NEBL: variants seen among roughly 807,000 people sequenced by gnomAD.
The protein encoded by NEBL is LIM and SH3 protein 2.
Under a neutral mutation model 140.2 loss-of-function variants are expected in NEBL, and 122 were observed. That is an observed-to-expected ratio of 0.87 (90% CI 0.75 to 1.01). NEBL has a LOEUF of 1.01. Ranked by LOEUF, NEBL falls within the 50% of genes least tolerant of loss-of-function variation. NEBL has a pLI of 0.00. For synonymous variants in NEBL, 436 were observed against 398.9 expected, an observed-to-expected ratio of 1.09 and a Z score of -1.11; for missense variants, 1,365 against 1,231.3, an observed-to-expected ratio of 1.11 and a Z score of -1.62.
chr10:20,825,959 G>A (rs1265710419), intron 18 of NEBL, among the ~76,000 whole-genome samples: 1 of 152,184 alleles, frequency 6.6e-6, no homozygotes, highest in Non-Finnish European at 1.5e-5. Context: ...ATGGGCAGAA[G>A]CGTGTCTGAT....
intron 19 of NEBL, among the ~76,000 whole-genome samples, chr10:20,822,547 C>A (rs540623343): frequency 1.3e-5 from 2 of 150,598 alleles, no homozygotes; most frequent in Non-Finnish European, 3.0e-5. Context: ...AGTAGTCTAA[C>A]TAGATATAGA....
At chr10:21,216,725 C>A (rs1283174583) in intron 3 of NEBL, among the ~76,000 whole-genome samples, 1 of 150,632 alleles carries the variant, frequency 6.6e-6, no homozygotes, top group Non-Finnish European at 1.5e-5. Flanking sequence ...GAGCCGAGAT[C>A]GCACCACTGC....
rs1404015214 is a variant in NEBL, at chr10:20,791,397, G to GT, written c.2762-4090dup. ...ATGAAAAGGGAGGAAGAAAAGTTTT[G>GT]TTTTTTTGTTTGTTTGTGTTTTTTG... On this transcript the variant is annotated intron_variant, in intron 26 of 27. Transcript: ENST00000377122. Among the ~76,000 whole-genome samples the GT allele has an allele frequency of 6.6e-5, 10 of 152,072 alleles. No individual in the cohort carries two copies. The South Asian group carries it at 1.7e-3, about 25-fold the overall frequency.
chr10:21,138,452 G>A (rs1839458858), intron 2 of NEBL, among the ~76,000 whole-genome samples: 1 of 152,030 alleles, frequency 6.6e-6, no homozygotes, highest in Non-Finnish European at 1.5e-5. Context: ...CAAGCTAGAA[G>A]AAATATATAA....
chr10:21,177,618 C>T (rs752995657), upstream of NEBL, among the ~76,000 whole-genome samples: 3 of 152,024 alleles, frequency 2.0e-5, no homozygotes, highest in Non-Finnish European at 4.4e-5. Context: ...CAAGCTCTGC[C>T]TCCCGGGTTC....
At chr10:21,182,149 T>C in intron 3 of NEBL, among the ~76,000 whole-genome samples, 1 of 151,316 alleles carries the variant, frequency 6.6e-6, no homozygotes, top group East Asian at 1.9e-4. Flanking sequence ...AGGATATGGC[T>C]GCTGGCTTTT....
chr10:21,243,257 T>C (rs1452033986), intron 3 of NEBL, among the ~76,000 whole-genome samples: 1 of 151,526 alleles, frequency 6.6e-6, no homozygotes, highest in African/African-American at 2.4e-5. Flanking sequence ...AAGCATGACC[T>C]AGCCCCTCTG....
intron 2 of NEBL, among the ~76,000 whole-genome samples, chr10:21,086,174 C>G (rs190126083): frequency 7.9e-5 from 12 of 152,242 alleles, no homozygotes; most frequent in Admixed American, 7.2e-4. Context: ...TTAAAGAGTT[C>G]GACTCCGTGT....
intron 4 of NEBL, among the ~76,000 whole-genome samples, chr10:20,923,216 C>T (rs1334690774): frequency 6.6e-6 from 1 of 151,894 alleles, no homozygotes; most frequent in East Asian, 1.9e-4. Context: ...CACAGCCATG[C>T]ACCACCACAC....
intron 2 of NEBL, among the ~76,000 whole-genome samples, chr10:21,165,843 C>T (rs1840739266): frequency 6.6e-6 from 1 of 152,120 alleles, no homozygotes; most frequent in African/African-American, 2.4e-5. Context: ...TTATGATTCA[C>T]AAACTTATTG....
At position 20,869,760 on chromosome 10, in the gene NEBL, T is replaced by G. The variant is rs1235079527; in HGVS notation, c.562A>C (p.Ile188Leu). The G allele has an allele frequency of 6.2e-6, 10 of 1,610,930 alleles. No individual in the cohort carries two copies. The highest frequency in any genetic ancestry group is 8.5e-6 in the Non-Finnish European group (10 of 1,177,164). Residue 188 changes from isoleucine (I) to leucine (L), a missense_variant, in exon 6 of 28, where the codon ATC becomes CTC. Coordinates refer to ENST00000377122, the MANE Select transcript of NEBL (RefSeq NM_006393.3). ...GTTACATTGCTTATGATCTTAGAGATCTGGGTTGCCATCTTGATGTCTGGT... is the reference window on the plus strand; with the variant it reads ...GTTACATTGCTTATGATCTTAGAGAGCTGGGTTGCCATCTTGATGTCTGGT... ...DRPDIKMATQISKIISNAEYK... is the reference protein window; with the variant it reads ...DRPDIKMATQLSKIISNAEYK...
At chr10:20,868,543 G>T in intron 7 of NEBL, 121 bp downstream of exon 7, 1 of 823,356 alleles carries the variant, frequency 1.2e-6, no homozygotes, top group Non-Finnish European at 2.1e-6. Flanking sequence ...ACTGGGTTCA[G>T]AAACATTATC....
At chr10:20,888,907 T>C (rs975814941) in intron 3 of NEBL, among the ~76,000 whole-genome samples, 1 of 152,254 alleles carries the variant, frequency 6.6e-6, no homozygotes, top group African/African-American at 2.4e-5. Context: ...TTCCATTATC[T>C]GCAGATGAGT....
intron 3 of NEBL, among the ~76,000 whole-genome samples, chr10:21,012,523 C>T (rs1838380819): frequency 2.0e-5 from 3 of 152,016 alleles, no homozygotes; most frequent in Admixed American, 6.6e-5. Context: ...CCATGCCTAG[C>T]TTATTTATTT....
intron 2 of NEBL, among the ~76,000 whole-genome samples, chr10:21,160,985 T>A (rs1454894322): frequency 6.6e-6 from 1 of 152,178 alleles, no homozygotes; most frequent in Non-Finnish European, 1.5e-5. Flanking sequence ...ATAAACTACC[T>A]TTGTAGACAT....
chr10:21,275,376 A>C (rs1842907638), intron 1 of NEBL, among the ~76,000 whole-genome samples: 1 of 152,144 alleles, frequency 6.6e-6, no homozygotes, highest in Non-Finnish European at 1.5e-5. Flanking sequence ...CAATCACTAG[A>C]TTTGGACAAG....
rs4748724 is a variant in NEBL, at chr10:20,789,919, A to G, written c.2762-2611T>C. 1.3e-4 allele frequency among the ~76,000 whole-genome samples: 20 copies of G among 149,726 alleles called. No homozygotes were observed. In the South Asian group the frequency reaches 1.7e-3, roughly 13 times the overall value. Reference sequence around the variant, plus strand: ...TATGTATAGATATATGTATATATATATGTGTGTGTATATGTGTATATATAT... The same window carrying G: ...TATGTATAGATATATGTATATATATGTGTGTGTGTATATGTGTATATATAT... On this transcript the variant is annotated intron_variant, in intron 26 of 27. Transcript: ENST00000377122.
chr10:21,266,497 G>A (rs1363220661), intron 1 of NEBL, among the ~76,000 whole-genome samples: 1 of 152,182 alleles, frequency 6.6e-6, no homozygotes, highest in Non-Finnish European at 1.5e-5. Context: ...CTGACTTAGC[G>A]AATACTCAAT....
At chr10:21,060,697 C>T (rs1187317774) in intron 2 of NEBL, among the ~76,000 whole-genome samples, 1 of 151,824 alleles carries the variant, frequency 6.6e-6, no homozygotes, top group Non-Finnish European at 1.5e-5. Context: ...CTATGCTTGC[C>T]TTCTCTAACT....
Sources: allele counts gnomAD v4.1 joint callset (sites outside exome capture counted in the v4.1 genomes callset), GRCh38; gene constraint gnomAD v4.1.1; transcripts MANE v1.5; gene names NCBI Gene and HGNC (gene_info 2026-07-23, HGNC 2026-07-21).